Variants in STX2 observed in about 807,000 individuals in gnomAD.
The protein encoded by STX2 is syntaxin 2, also known as syntaxin-2.
STX2 carries 27 observed loss-of-function variants against 40.6 expected under a neutral mutation model. That is an observed-to-expected ratio of 0.66 (90% CI 0.49 to 0.92). The LOEUF is 0.92. Ranked by LOEUF, STX2 falls within the 40% of genes least tolerant of loss-of-function variation. The pLI, the probability that STX2 is intolerant of heterozygous loss-of-function variation, is 0.00. For synonymous variants in STX2, 123 were observed against 119.1 expected (o/e 1.03, Z -0.22); for missense variants, 328 against 366.1 (o/e 0.90, Z 0.85).
Position 130,798,303 on chromosome 12 carries a change from C to G in STX2, c.786+222G>C, listed in dbSNP as rs1951097262. 3.2e-5 allele frequency: 12 copies of G among 371,252 alleles called. No individual in the cohort carries two copies. The East Asian group carries it at 5.6e-4, about 17-fold the overall frequency. 23.0% of individuals were successfully genotyped at this position (371,252 alleles called of 1,614,324 possible). A position where few individuals can be genotyped will look rare whatever the true frequency, so the allele number is the denominator to read the frequency against. On this transcript the variant is annotated intron_variant, in intron 9 of 10. Coordinates refer to ENST00000392373, the MANE Select transcript of STX2 (RefSeq NM_194356.4). ...TTACAGGCGTGCCACCACACCCAGC[C>G]CTAGGGTTTCAATTACTTAGAACAC... is the stretch of plus-strand genomic sequence containing the variant.
chr12:130,820,896 T>C (rs933754475), intron 3 of STX2, among the ~76,000 whole-genome samples: 5 of 152,158 alleles, frequency 3.3e-5, no homozygotes, highest in African/African-American at 1.2e-4. Flanking sequence ...CCCACCATGA[T>C]GTGTGGACTC....
At chr12:130,829,225 A>G (rs1952460063) in intron 1 of STX2, among the ~76,000 whole-genome samples, 1 of 152,202 alleles carries the variant, frequency 6.6e-6, no homozygotes, top group Admixed American at 6.5e-5. Flanking sequence ...AAAACTTCCC[A>G]TCTTAACAAC....
rs529594675 is a variant in STX2 at position 130,798,172 on chromosome 12, G to A, written c.786+353C>T. On this transcript the variant is annotated intron_variant, in intron 9 of 10. Transcript: ENST00000392373. ...TGAGGCAGGAGAATCACTTGAACCCGGGAGGTGGAGGTTGCAGTGAGCCAA... is the reference window on the plus strand; with the variant it reads ...TGAGGCAGGAGAATCACTTGAACCCAGGAGGTGGAGGTTGCAGTGAGCCAA... Among the ~76,000 whole-genome samples, 15 of 151,676 alleles carry A rather than the reference G, an allele frequency of 9.9e-5. No homozygotes were observed. The East Asian group carries it at 2.3e-3, about 24-fold the overall frequency.
chr12:130,799,062 T>G (rs1244863324), intron 8 of STX2, among the ~76,000 whole-genome samples: 1 of 152,242 alleles, frequency 6.6e-6, no homozygotes, highest in Admixed American at 6.5e-5. Context: ...CTTCTTTAAA[T>G]CAGTAAACTG....
chr12:130,837,848 G>T (rs373688731), intron 1 of STX2, among the ~76,000 whole-genome samples: 7 of 152,168 alleles, frequency 4.6e-5, no homozygotes, highest in African/African-American at 1.7e-4. Context: ...GGGAATATTT[G>T]TCCATTAATA....
In STX2 at chr12:130,839,172, C is replaced by G. The variant is rs1385942549; in HGVS notation, c.-73G>C. On this transcript the variant is annotated 5_prime_UTR_variant, in exon 1 of 11. Transcript: ENST00000392373. ...TGCCTCCGGCCGGGCCTCGGGCTCT[C>G]CGGTCTCCGCCTCAGGCCCCGCGGT... 3.5e-6 allele frequency: 4 copies of G among 1,129,136 alleles called. No homozygotes were observed. The African/African-American group carries it at 6.6e-5, about 19-fold the overall frequency. 69.9% of individuals were successfully genotyped at this position (1,129,136 alleles called of 1,614,324 possible).
intron 10 of STX2, among the ~76,000 whole-genome samples, chr12:130,795,310 GT>G (rs1306478129): frequency 6.6e-6 from 1 of 152,140 alleles, no homozygotes; most frequent in African/African-American, 2.4e-5. Flanking sequence ...ATTTTATAAA[GT>G]ACCTTTCAGT....
chr12:130,833,224 T>C (rs1472665169), intron 1 of STX2, among the ~76,000 whole-genome samples: 2 of 151,304 alleles, frequency 1.3e-5, no homozygotes, highest in Non-Finnish European at 2.9e-5. Context: ...AGTGGGAAAG[T>C]ACACACAAAT....
chr12:130,808,584 A>T, intron 5 of STX2, 47 bp downstream of exon 5: 2 of 1,514,978 alleles, frequency 1.3e-6, no homozygotes, highest in South Asian at 2.4e-5. Flanking sequence ...AAGTAAAAAC[A>T]CTTATTCTGC....
At chr12:130,796,174 A>G (rs1951022776) in intron 9 of STX2, 54 bp from the exon 10 acceptor site, 1 of 1,602,698 alleles carries the variant, frequency 6.2e-7, no homozygotes, top group Non-Finnish European at 8.5e-7. Context: ...TCATATTGCC[A>G]CATTAAAAGA....
chr12:130,807,737 C>T (rs906040442), intron 5 of STX2, among the ~76,000 whole-genome samples: 4 of 152,122 alleles, frequency 2.6e-5, no homozygotes, highest in Admixed American at 6.5e-5. Flanking sequence ...GTTGATGGAC[C>T]GAATAGATTT....
At chr12:130,818,185 A>AAAAAAAAAAATATAT in intron 3 of STX2, among the ~76,000 whole-genome samples, 6 of 70,544 alleles carry the variant, frequency 8.5e-5, no homozygotes, top group Non-Finnish European at 9.1e-5. Context: ...AAAAAAAAAA[A>AAAAAAAAAAATATAT]ATATATATAT....
intron 5 of STX2, among the ~76,000 whole-genome samples, chr12:130,807,653 C>T (rs2136271944): frequency 1.3e-5 from 2 of 152,358 alleles, no homozygotes; most frequent in South Asian, 4.1e-4. Flanking sequence ...TACCACAAAC[C>T]ACTAAAACGT....
intron 10 of STX2, among the ~76,000 whole-genome samples, chr12:130,792,438 G>A (rs1050391497): frequency 2.0e-5 from 3 of 152,160 alleles, no homozygotes; most frequent in Non-Finnish European, 2.9e-5. Context: ...AACTTTAAAC[G>A]AATTTCTTGT....
rs1476175257 is a variant in STX2, at chr12:130,790,449, CTGACTAG to C, written c.*1567_*1573del. ...ATCCTGCATGCACTCCTTTAACATTCTGACTAGTGACTCTCTTAACAGATGTCCGCTC... is the reference window on the plus strand; with the variant it reads ...ATCCTGCATGCACTCCTTTAACATTCTGACTCTCTTAACAGATGTCCGCTC... On this transcript the variant is annotated 3_prime_UTR_variant, in exon 11 of 11. Coordinates refer to ENST00000392373, the MANE Select transcript of STX2 (RefSeq NM_194356.4). The C allele has an allele frequency of 2.0e-5, 3 of 152,178 alleles. No homozygotes were observed. The highest frequency in any genetic ancestry group is 7.2e-5 in the African/African-American group (3 of 41,430). 9.4% of individuals were successfully genotyped at this position (152,178 alleles called of 1,614,324 possible). A position where few individuals can be genotyped will look rare whatever the true frequency, so the allele number is the denominator to read the frequency against.
chr12:130,790,617 G>A lies in STX2; in HGVS notation c.*1406C>T, dbSNP rs1950854199. On this transcript the variant is annotated 3_prime_UTR_variant, in exon 11 of 11. Transcript: ENST00000392373. ...TTTTAAAAGTTCAGCAAAACATTAGGTACTTAACAACATGTATGTGGATCT... is the reference window on the plus strand; with the variant it reads ...TTTTAAAAGTTCAGCAAAACATTAGATACTTAACAACATGTATGTGGATCT... The A allele has an allele frequency of 6.6e-6, 1 of 152,138 alleles. No individual in the cohort carries two copies. Among genetic ancestry groups the A allele is most frequent in the Non-Finnish European group, 1.5e-5 (1 of 68,028 alleles). 9.4% of individuals were successfully genotyped at this position (152,138 alleles called of 1,614,324 possible). A position where few individuals can be genotyped will look rare whatever the true frequency, so the allele number is the denominator to read the frequency against.
intron 9 of STX2, among the ~76,000 whole-genome samples, chr12:130,796,689 CTGA>C (rs1951039338): frequency 6.6e-6 from 1 of 152,158 alleles, no homozygotes; most frequent in Non-Finnish European, 1.5e-5. Context: ...TGCCACATTT[CTGA>C]TGACTGAGAC....
chr12:130,798,139 C>T (rs1056535822), intron 9 of STX2, among the ~76,000 whole-genome samples: 6 of 151,726 alleles, frequency 4.0e-5, no homozygotes, highest in Admixed American at 1.3e-4. Context: ...CCCTGCTACT[C>T]AGGAGACTGA....
At chr12:130,799,428 G>C (rs1951141724) in intron 8 of STX2, among the ~76,000 whole-genome samples, 1 of 152,144 alleles carries the variant, frequency 6.6e-6, no homozygotes, top group Non-Finnish European at 1.5e-5. Flanking sequence ...TGAAGTCTAA[G>C]GTACTACAAA....
Sources: allele counts gnomAD v4.1 joint callset (sites outside exome capture counted in the v4.1 genomes callset), GRCh38; gene constraint gnomAD v4.1.1; transcripts MANE v1.5; gene names NCBI Gene and HGNC (gene_info 2026-07-23, HGNC 2026-07-21).